The following PHF2 variants were observed in gnomAD, a reference collection of about 807,000 sequenced individuals.
PHF2 encodes lysine-specific demethylase PHF2.
In PHF2, 27 loss-of-function variants were observed where a neutral mutation model predicts 120.5. That is an observed-to-expected ratio of 0.22 (90% CI 0.17 to 0.31). The LOEUF is 0.31. Ranked by LOEUF, PHF2 falls within the 10% of genes least tolerant of loss-of-function variation. The pLI is 1.00. For synonymous variants in PHF2, 568 were observed against 592.5 expected (o/e 0.96, Z 0.60); for missense variants, 1,024 against 1,434.8 (o/e 0.71, Z 4.63).
At chr9:93,650,308 C>G (rs1293497627) in intron 5 of PHF2, among the ~76,000 whole-genome samples, 1 of 152,184 alleles carries the variant, frequency 6.6e-6, no homozygotes, top group Non-Finnish European at 1.5e-5. Flanking sequence ...ACAATAGACT[C>G]ATGACACGCT....
At chr9:93,630,933 C>T (rs1310296053) in intron 2 of PHF2, among the ~76,000 whole-genome samples, 1 of 152,144 alleles carries the variant, frequency 6.6e-6, no homozygotes, top group Non-Finnish European at 1.5e-5. Context: ...TCTCTGCTGA[C>T]CTGAGCCCTG....
chr9:93,659,392 C>G lies in PHF2; in HGVS notation c.1240-119C>G, dbSNP rs144777305. 604 of 766,380 alleles carry G rather than the reference C, an allele frequency of 7.9e-4. 2 individuals carry two copies. Among genetic ancestry groups the G allele is most frequent in the African/African-American group, 6.8e-3 (399 of 58,338 alleles). The allele number at this position is 766,380 out of a possible 1,614,324, so 47.5% of individuals were successfully genotyped here. ...CCAGGGCAGAGTTTGGCTCGGAAGC[C>G]CCTCGCCTCATGCTCATCTGAGTGG... On this transcript the variant is annotated intron_variant, in intron 10 of 21. Transcript: ENST00000359246.
chr9:93,637,351 G>A (rs1274592250), intron 3 of PHF2, among the ~76,000 whole-genome samples: 2 of 152,108 alleles, frequency 1.3e-5, no homozygotes, highest in East Asian at 3.9e-4. Context: ...CATTTAAAGT[G>A]TGCAGTTCGG....
chr9:93,646,448 A>G (rs1292862158), intron 4 of PHF2, among the ~76,000 whole-genome samples: 1 of 152,194 alleles, frequency 6.6e-6, no homozygotes, highest in Admixed American at 6.5e-5. Context: ...GCAGGGCTTC[A>G]AGGTGCTCAT....
chr9:93,580,614 C>G (rs1403876168), intron 1 of PHF2, among the ~76,000 whole-genome samples: 2 of 152,228 alleles, frequency 1.3e-5, no homozygotes, highest in African/African-American at 2.4e-5. Context: ...TAACATGTAG[C>G]TTTCTGGCCC....
chr9:93,660,478 C>T lies in PHF2; in HGVS notation c.1616C>T (p.Ser539Leu). The T allele has an allele frequency of 6.2e-7, 1 of 1,603,598 alleles. No homozygotes were observed. The highest frequency in any genetic ancestry group is 8.5e-7 in the Non-Finnish European group (1 of 1,176,044). Residue 539 changes from serine (S) to leucine (L), a missense_variant, in exon 12 of 22, where the codon TCA becomes TTA. Physicochemically the swap from Ser to Leu is moderately radical, Grantham distance 145. Transcript: ENST00000359246. ...KKGKKSRESA[S>L]PTIPNLDLLE... ...GGGAAGAAGTCCCGGGAGTCAGCCT[C>T]ACCCACCATCCCCAACCTGGACCTG... is the stretch of plus-strand genomic sequence containing the variant.
chr9:93,660,079 T>G (rs542698602), intron 11 of PHF2, 113 bp from the exon 12 acceptor site: 1 of 1,337,098 alleles, frequency 7.5e-7, no homozygotes, highest in South Asian at 1.6e-5. Flanking sequence ...CTTTCTGGGC[T>G]GATAGTTCCC....
At chr9:93,605,076 A>G (rs1564378089) in intron 1 of PHF2, among the ~76,000 whole-genome samples, 3 of 152,350 alleles carry the variant, frequency 2.0e-5, no homozygotes, top group South Asian at 2.1e-4. Flanking sequence ...GAGTTCCCAC[A>G]TAACTCCTCC....
chr9:93,624,276 T>C (rs1313237504), intron 1 of PHF2, among the ~76,000 whole-genome samples: 1 of 152,184 alleles, frequency 6.6e-6, no homozygotes, highest in South Asian at 2.1e-4. Context: ...TTGATGGTGA[T>C]GGTGATGGTG....
chr9:93,655,882 G>C, intron 7 of PHF2, 52 bp from the exon 8 acceptor site: 1 of 1,364,212 alleles, frequency 7.3e-7, no homozygotes, highest in Non-Finnish European at 1.0e-6. Context: ...GCCATGAGAA[G>C]CCCGTTCATG....
chr9:93,622,383 A>T (rs1430569684), intron 1 of PHF2, among the ~76,000 whole-genome samples: 2 of 152,104 alleles, frequency 1.3e-5, no homozygotes, highest in Non-Finnish European at 2.9e-5. Flanking sequence ...GCATTGCAAG[A>T]GGGGAGGAAG....
intron 1 of PHF2, among the ~76,000 whole-genome samples, chr9:93,617,253 G>A (rs1445157367): frequency 6.6e-6 from 1 of 152,200 alleles, no homozygotes; most frequent in Non-Finnish European, 1.5e-5. Flanking sequence ...CTGCAGCAGG[G>A]CCGCAGCTCC....
At chr9:93,608,934 G>A (rs190841660) in intron 1 of PHF2, among the ~76,000 whole-genome samples, 7 of 151,444 alleles carry the variant, frequency 4.6e-5, no homozygotes, top group Admixed American at 4.6e-4. Context: ...TACCGTATTT[G>A]TTACTGTTTC....
chr9:93,607,984 CGGAG>C (rs1229451978), intron 1 of PHF2, among the ~76,000 whole-genome samples: 7 of 87,322 alleles, frequency 8.0e-5, no homozygotes, highest in African/African-American at 2.2e-4. Flanking sequence ...GAGAGAGAGA[CGGAG>C]GGAGATGAGA....
chr9:93,580,387 C>T (rs949851400), intron 1 of PHF2, among the ~76,000 whole-genome samples: 5 of 152,172 alleles, frequency 3.3e-5, no homozygotes, highest in African/African-American at 1.2e-4. Context: ...AGGACCTGTC[C>T]TCTCCTTTTA....
intron 11 of PHF2, among the ~76,000 whole-genome samples, chr9:93,659,941 G>T (rs983903125): frequency 1.3e-5 from 2 of 152,226 alleles, no homozygotes; most frequent in African/African-American, 4.8e-5. Flanking sequence ...CTCAGCCGCT[G>T]TGCTGGGGTA....
intron 10 of PHF2, among the ~76,000 whole-genome samples, chr9:93,658,712 C>G (rs924530245): frequency 6.6e-6 from 1 of 152,092 alleles, no homozygotes; most frequent in African/African-American, 2.4e-5. Context: ...CCTGTCGGCT[C>G]CTCCTGGCTG....
At chr9:93,665,968 C>T in intron 15 of PHF2, 22 bp from the exon 16 acceptor site, 1 of 1,612,920 alleles carries the variant, frequency 6.2e-7, no homozygotes, top group Non-Finnish European at 8.5e-7. Context: ...TCCCGCTGGA[C>T]TGCCATCTGC....
At chr9:93,676,562 G>A (rs372090956) in intron 20 of PHF2, 32 bp from the exon 21 acceptor site, 59 of 1,562,346 alleles carry the variant, frequency 3.8e-5, no homozygotes, top group South Asian at 3.5e-4. Flanking sequence ...TGGGCTGTGC[G>A]TCTGAGGCTG....
Sources: allele counts gnomAD v4.1 joint callset (sites outside exome capture counted in the v4.1 genomes callset), GRCh38; gene constraint gnomAD v4.1.1; transcripts MANE v1.5; gene names NCBI Gene and HGNC (gene_info 2026-07-23, HGNC 2026-07-21).